Variants in ZNF618 observed in about 807,000 individuals in gnomAD.
The protein encoded by ZNF618 is zinc finger protein 618, also known as neural precursor cell expressed, developmentally down-regulated 10.
In ZNF618, 34 loss-of-function variants were observed where a neutral mutation model predicts 103.0. The observed-to-expected ratio is 0.33, with a 90% confidence interval of 0.25 to 0.44. ZNF618 has a LOEUF of 0.44. Ranked by LOEUF, ZNF618 falls within the 20% of genes least tolerant of loss-of-function variation. The pLI, the probability that ZNF618 is intolerant of heterozygous loss-of-function variation, is 1.00. For missense variants in ZNF618, 1,059 were observed against 1,295.4 expected (o/e 0.82, Z 2.80); for synonymous variants, 551 against 542.2 (o/e 1.02, Z -0.23).
chr9:113,906,491 G>A (rs537680729), intron 1 of ZNF618, among the ~76,000 whole-genome samples: 1 of 152,258 alleles, frequency 6.6e-6, no homozygotes, highest in South Asian at 2.1e-4. Context: ...GGGTGGCTGG[G>A]GAGGAGGCTT....
In ZNF618 at chr9:113,964,127, C is replaced by T. The variant is rs1221146028; in HGVS notation, c.34-4990C>T. ...TGAGCTTGGCTAGCTGAGGCGCCATCTTGGAAATGCCCCCTCCAAGATGGC... is the reference window on the plus strand; with the variant it reads ...TGAGCTTGGCTAGCTGAGGCGCCATTTTGGAAATGCCCCCTCCAAGATGGC... On this transcript the variant is annotated intron_variant, in intron 1 of 14. Coordinates refer to ENST00000374126, the MANE Select transcript of ZNF618 (RefSeq NM_001318042.2). 2.0e-5 allele frequency among the ~76,000 whole-genome samples: 3 copies of T among 152,158 alleles called. No homozygotes were observed. The East Asian group carries it at 5.8e-4, about 29-fold the overall frequency.
intron 1 of ZNF618, among the ~76,000 whole-genome samples, chr9:113,932,145 G>A (rs1178563392): frequency 6.6e-6 from 1 of 152,198 alleles, no homozygotes; most frequent in Non-Finnish European, 1.5e-5. Context: ...ATAGACAGGG[G>A]CAGGTAATGG....
At chr9:114,016,833 G>A (rs1842686767) in intron 10 of ZNF618, 49 bp downstream of exon 10, 2 of 1,501,900 alleles carry the variant, frequency 1.3e-6, no homozygotes. Context: ...CCCGGGACAG[G>A]GTGGGCCAGC....
At chr9:113,887,839 T>C (rs1829222175) in intron 1 of ZNF618, among the ~76,000 whole-genome samples, 1 of 152,180 alleles carries the variant, frequency 6.6e-6, no homozygotes, top group African/African-American at 2.4e-5. Flanking sequence ...TTTATAAAAT[T>C]TTATTTTTTT....
chr9:113,883,702 G>T (rs879488891), intron 1 of ZNF618, among the ~76,000 whole-genome samples: 2 of 152,040 alleles, frequency 1.3e-5, no homozygotes, highest in Non-Finnish European at 2.9e-5. Flanking sequence ...GCCAATTTCA[G>T]CAAGCAAGCA....
In ZNF618 at chr9:114,049,454, G is replaced by A. The variant is rs1210588544; in HGVS notation, c.2152G>A (p.Ala718Thr). 1.9e-6 allele frequency: 3 copies of A among 1,609,388 alleles called. No individual in the cohort carries two copies. Among genetic ancestry groups the A allele is most frequent in the South Asian group, 2.2e-5 (2 of 90,256 alleles). Residue 718 changes from alanine (A) to threonine (T), a missense_variant, in exon 15 of 15, where the codon GCC becomes ACC. Physicochemically the swap from Ala to Thr is moderately conservative, Grantham distance 58 (BLOSUM62 0). Around this residue, in one of 6 missense-constraint regions of ZNF618, gnomAD observed 272 missense variants for 380.1 expected, o/e 0.72. Coordinates refer to ENST00000374126, the MANE Select transcript of ZNF618 (RefSeq NM_001318042.2). ...GCAGATCTGCGAGTTCTACAGCCGG[G>A]CCAAGAAGATGAACCTCATCCAGAG... ...YEQICEFYSR[A>T]KKMNLIQSLN...
chr9:114,027,569 C>T (rs1340958626), intron 10 of ZNF618, among the ~76,000 whole-genome samples: 1 of 152,272 alleles, frequency 6.6e-6, no homozygotes, highest in Non-Finnish European at 1.5e-5. Context: ...TTGGACAAGG[C>T]CCTGCATCCT....
At chr9:113,948,083 C>G (rs1320685613) in intron 1 of ZNF618, among the ~76,000 whole-genome samples, 1 of 152,150 alleles carries the variant, frequency 6.6e-6, no homozygotes, top group Non-Finnish European at 1.5e-5. Context: ...AACAGAGCAG[C>G]CTCCCCCGCC....
chr9:113,971,442 C>G (rs1837954480), intron 2 of ZNF618, among the ~76,000 whole-genome samples: 1 of 152,188 alleles, frequency 6.6e-6, no homozygotes, highest in Non-Finnish European at 1.5e-5. Context: ...TAAGCACCTG[C>G]TCTGGTAGGC....
rs768894299 is a variant in ZNF618, at chr9:114,007,351, C to A, written c.552C>A (p.Asn184Lys). 3.7e-6 allele frequency: 6 copies of A among 1,613,502 alleles called. No homozygotes were observed. The African/African-American group carries it at 5.3e-5, about 14-fold the overall frequency. ...GGTGTGTGTTTTCATCCCATGCAGA[C>A]AATTTCAGGTACACATGTGATATCT... ...ATSGEGASQS[N>K]NFRYTCDICG... Residue 184 changes from asparagine to lysine, a missense_variant and splice_region_variant, in exon 7 of 15, where the codon AAC (asparagine) becomes AAA (lysine). This residue lies in a region of ZNF618 where 434 missense variants were observed against 476.0 expected (regional missense o/e 0.91). Coordinates refer to ENST00000374126, the MANE Select transcript of ZNF618 (RefSeq NM_001318042.2).
At chr9:113,987,526 C>T (rs1564258813) in intron 2 of ZNF618, among the ~76,000 whole-genome samples, 5 of 152,170 alleles carry the variant, frequency 3.3e-5, no homozygotes, top group Admixed American at 1.3e-4. Flanking sequence ...TGGAGTTTCC[C>T]GTTTGTAAAG....
In ZNF618 at chr9:114,054,563, G is replaced by T. The variant is rs1004656221; in HGVS notation, c.*4396G>T. Reference sequence around the variant, plus strand: ...CTATCCCGTGGAGCCAGTAGTAGGTGGGAGCTCCTGTCCCCGCCAGCCCTG... The same window carrying T: ...CTATCCCGTGGAGCCAGTAGTAGGTTGGAGCTCCTGTCCCCGCCAGCCCTG... On this transcript the variant is annotated 3_prime_UTR_variant, in exon 15 of 15. Transcript: ENST00000374126. The T allele has an allele frequency of 5.2e-5, 8 of 152,790 alleles. No homozygotes were observed. The highest frequency in any genetic ancestry group is 1.9e-4 in the African/African-American group (8 of 41,464). 9.5% of individuals were successfully genotyped at this position (152,790 alleles called of 1,614,324 possible). A position where few individuals can be genotyped will look rare whatever the true frequency, so the allele number is the denominator to read the frequency against.
Position 113,876,317 on chromosome 9 carries a change from C to A in ZNF618, c.-64C>A. ...GCGGCGGCGGCGGCGGCATTGTGCG[C>A]GCACCAGCAGCCCGGCCCGGGAGGA... On this transcript the variant is annotated 5_prime_UTR_variant, in exon 1 of 15. Coordinates refer to ENST00000374126, the MANE Select transcript of ZNF618 (RefSeq NM_001318042.2). The A allele has an allele frequency of 9.1e-7, 1 of 1,093,766 alleles. No individual in the cohort carries two copies. Among genetic ancestry groups the A allele is most frequent in the Non-Finnish European group, 1.1e-6 (1 of 900,564 alleles). The allele number at this position is 1,093,766 out of a possible 1,614,324, so 67.8% of individuals were successfully genotyped here.
At chr9:113,994,965 T>C (rs1840425969) in intron 3 of ZNF618, among the ~76,000 whole-genome samples, 1 of 151,136 alleles carries the variant, frequency 6.6e-6, no homozygotes, top group Admixed American at 6.6e-5. Context: ...GAAATAAAAC[T>C]GTGAACCAAT....
chr9:113,951,748 C>G (rs1835802512), intron 1 of ZNF618, among the ~76,000 whole-genome samples: 1 of 151,784 alleles, frequency 6.6e-6, no homozygotes, highest in Admixed American at 6.6e-5. Context: ...ATCTTGGAGT[C>G]GTGTCCCAAA....
intron 13 of ZNF618, 123 bp downstream of exon 13, chr9:114,036,500 C>T (rs1056227645): frequency 3.0e-6 from 3 of 1,011,180 alleles, no homozygotes; most frequent in Middle Eastern, 2.2e-4. Flanking sequence ...GGTCACAGGA[C>T]ATGGAACCTG....
At chr9:113,982,391 C>T (rs949491484) in intron 2 of ZNF618, among the ~76,000 whole-genome samples, 1 of 152,046 alleles carries the variant, frequency 6.6e-6, no homozygotes, top group Admixed American at 6.5e-5. Context: ...CACATCATTC[C>T]AGCTCTACCT....
chr9:113,956,343 G>A (rs764356075), intron 1 of ZNF618, among the ~76,000 whole-genome samples: 7 of 149,786 alleles, frequency 4.7e-5, no homozygotes, highest in Non-Finnish European at 8.8e-5. Context: ...CTTTCTAACC[G>A]AGCTCTGCTG....
At chr9:113,933,114 G>T (rs1833744364) in intron 1 of ZNF618, among the ~76,000 whole-genome samples, 2 of 152,162 alleles carry the variant, frequency 1.3e-5, no homozygotes, top group African/African-American at 4.8e-5. Flanking sequence ...ATGTCCACTG[G>T]GTTTGGCAGC....
Sources: gnomAD v4.1 joint callset for allele counts (sites outside exome capture counted in the v4.1 genomes callset) on GRCh38, gnomAD v4.1.1 for gene constraint, gnomAD v4.1.1 regional missense constraint, MANE v1.5 for transcripts, NCBI Gene and HGNC (gene_info 2026-07-23, HGNC 2026-07-21) for gene names.